CACNA2D1: variants seen among roughly 807,000 people sequenced by gnomAD.
CACNA2D1 encodes the protein voltage-dependent calcium channel subunit alpha-2/delta-1.
CACNA2D1 carries 53 observed loss-of-function variants against 171.5 expected under a neutral mutation model. That is an observed-to-expected ratio of 0.31 (90% CI 0.25 to 0.39). The LOEUF (loss-of-function observed/expected upper bound fraction) is 0.39. Ranked by LOEUF, CACNA2D1 falls within the 10% of genes least tolerant of loss-of-function variation. The probability of loss-of-function intolerance (pLI) is 1.00; values close to 1 mark genes in which losing one functional copy is unlikely to be tolerated. For synonymous variants in CACNA2D1, 442 were observed against 443.1 expected (o/e 1.00, Z 0.03); for missense variants, 903 against 1,299.8 (o/e 0.69, Z 4.69).
intron 34 of CACNA2D1, among the ~76,000 whole-genome samples, chr7:81,962,924 C>A (rs1794311378): frequency 6.6e-6 from 1 of 152,004 alleles, no homozygotes; most frequent in African/African-American, 2.4e-5. Flanking sequence ...AATTTGTTAA[C>A]TATTTACTTT....
chr7:82,351,933 C>T (rs1181212768), intron 1 of CACNA2D1, among the ~76,000 whole-genome samples: 1 of 152,062 alleles, frequency 6.6e-6, no homozygotes, highest in Admixed American at 6.6e-5. Context: ...AATAATAAGA[C>T]ACGTTATACA....
chr7:82,300,436 T>C (rs1563332819), intron 3 of CACNA2D1, among the ~76,000 whole-genome samples: 1 of 152,140 alleles, frequency 6.6e-6, no homozygotes, highest in Non-Finnish European at 1.5e-5. Context: ...TCATGTAATA[T>C]ACAAACCATG....
At chr7:81,987,451 C>T (rs933412191) in intron 21 of CACNA2D1, among the ~76,000 whole-genome samples, 5 of 152,096 alleles carry the variant, frequency 3.3e-5, no homozygotes, top group Admixed American at 2.6e-4. Flanking sequence ...CTATAACACA[C>T]TTTTCAACTC....
chr7:82,365,797 G>C (rs1157085236), intron 1 of CACNA2D1, among the ~76,000 whole-genome samples: 1 of 152,196 alleles, frequency 6.6e-6, no homozygotes, highest in Non-Finnish European at 1.5e-5. Flanking sequence ...AAGTGTTATA[G>C]GTGGCTAATT....
intron 36 of CACNA2D1, among the ~76,000 whole-genome samples, chr7:81,961,326 GAC>G (rs1794089224): frequency 6.6e-6 from 1 of 151,738 alleles, no homozygotes; most frequent in South Asian, 2.1e-4. Context: ...TATGGATACT[GAC>G]TAACATTAAC....
intron 3 of CACNA2D1, among the ~76,000 whole-genome samples, chr7:82,267,432 A>G (rs1053969519): frequency 6.6e-6 from 1 of 152,204 alleles, no homozygotes; most frequent in African/African-American, 2.4e-5. Context: ...AATGAAAAGA[A>G]ATTCAAATCA....
chr7:82,299,653 C>A, intron 3 of CACNA2D1, among the ~76,000 whole-genome samples: 1 of 147,458 alleles, frequency 6.8e-6, no homozygotes, highest in African/African-American at 2.5e-5. Flanking sequence ...GAGCAAGACT[C>A]TATCTCAAAA....
At chr7:82,442,121 G>C (rs1830550694) in intron 1 of CACNA2D1, among the ~76,000 whole-genome samples, 1 of 152,142 alleles carries the variant, frequency 6.6e-6, no homozygotes, top group African/African-American at 2.4e-5. Context: ...CCTTCTCCGG[G>C]ATAGAATGTG....
rs1807626627 is a variant in CACNA2D1, at chr7:82,066,482, T to A, written c.701A>T (p.Asp234Val). 6.2e-7 allele frequency: 1 copy of A among 1,607,448 alleles called. No homozygotes were observed. Residue 234 changes from aspartate (D) to valine (V), a missense_variant, in exon 8 of 39, where the codon GAC (aspartate) becomes GTC (valine). Around this residue, in one of 5 missense-constraint regions of CACNA2D1, gnomAD observed 189 missense variants for 266.8 expected, o/e 0.71. Transcript: ENST00000356860. ...TGGTCTTCTGCGTACATCATAAAGG[T>A]CAATCTTATTTGGAGTTCTACTATT... Reference protein sequence around the residue: ...VDNSRTPNKIDLYDVRRRPWY... With the variant: ...VDNSRTPNKIVLYDVRRRPWY...
At chr7:82,351,243 T>C (rs1395247164) in intron 1 of CACNA2D1, among the ~76,000 whole-genome samples, 2 of 151,636 alleles carry the variant, frequency 1.3e-5, no homozygotes, top group Non-Finnish European at 2.9e-5. Flanking sequence ...TCCAGTAGTA[T>C]AAATATAAAT....
At chr7:82,378,935 ACT>A (rs1461830352) in intron 1 of CACNA2D1, among the ~76,000 whole-genome samples, 2 of 88,230 alleles carry the variant, frequency 2.3e-5, no homozygotes, top group African/African-American at 4.5e-5. Flanking sequence ...GCAGGGGTTG[ACT>A]CGTGTGTGTG....
At chr7:82,014,614 A>G in intron 12 of CACNA2D1, 135 bp from the exon 13 acceptor site, 2 of 659,872 alleles carry the variant, frequency 3.0e-6, no homozygotes, top group South Asian at 3.4e-5. Context: ...GAGGCCAGTA[A>G]AGCCTTCAGA....
At chr7:82,293,090 C>G (rs1421845783) in intron 3 of CACNA2D1, among the ~76,000 whole-genome samples, 1 of 151,854 alleles carries the variant, frequency 6.6e-6, no homozygotes, top group Non-Finnish European at 1.5e-5. Flanking sequence ...AGGAGAGTCT[C>G]CTTAACTTTA....
intron 21 of CACNA2D1, 35 bp downstream of exon 21, chr7:81,991,150 G>T: frequency 9.9e-7 from 1 of 1,013,598 alleles, no homozygotes; most frequent in Non-Finnish European, 1.6e-6. Context: ...TTAATCCATT[G>T]GAATACACAA....
chr7:82,145,541 G>A (rs987679239), intron 4 of CACNA2D1, among the ~76,000 whole-genome samples: 1 of 136,662 alleles, frequency 7.3e-6, no homozygotes, highest in Admixed American at 7.7e-5. Flanking sequence ...TACAGAATGT[G>A]TGTGTATATA....
intron 12 of CACNA2D1, among the ~76,000 whole-genome samples, chr7:82,026,383 T>C (rs1187277266): frequency 1.3e-5 from 2 of 151,760 alleles, no homozygotes; most frequent in African/African-American, 4.8e-5. Flanking sequence ...GTCATTTTGA[T>C]ATTTTAAAGT....
Position 82,259,225 on chromosome 7 carries a change from T to TAGAC in CACNA2D1, c.294+75906_294+75909dup, listed in dbSNP as rs3055605. ...TGATAAAAGACAGATGAGAGATAAA[T>TAGAC]AGACAGACAGACAGACAGACAGATA... is the stretch of plus-strand genomic sequence containing the variant. On this transcript the variant is annotated intron_variant, in intron 3 of 38. Transcript: ENST00000356860. Among the ~76,000 whole-genome samples the TAGAC allele has an allele frequency of 4.6e-5, 7 of 151,396 alleles. No homozygotes were observed. In the South Asian group the frequency reaches 6.2e-4, roughly 13 times the overall value.
intron 3 of CACNA2D1, among the ~76,000 whole-genome samples, chr7:82,225,389 C>A (rs750507982): frequency 6.6e-6 from 1 of 152,100 alleles, no homozygotes; most frequent in Non-Finnish European, 1.5e-5. Context: ...CATTGAATTG[C>A]GGTGTTAAAT....
intron 4 of CACNA2D1, among the ~76,000 whole-genome samples, chr7:82,150,673 T>C (rs1793764832): frequency 6.6e-6 from 1 of 152,130 alleles, no homozygotes; most frequent in African/African-American, 2.4e-5. Flanking sequence ...CATTATGATA[T>C]AAATTACCTG....
Sources: gnomAD v4.1 joint callset for allele counts (sites outside exome capture counted in the v4.1 genomes callset) on GRCh38, gnomAD v4.1.1 for gene constraint, gnomAD v4.1.1 regional missense constraint, MANE v1.5 for transcripts, NCBI Gene and HGNC (gene_info 2026-07-23, HGNC 2026-07-21) for gene names.